Variants in GRHL2 observed in about 807,000 individuals in gnomAD.
GRHL2 encodes the protein grainyhead like transcription factor 2, also known as grainyhead-like protein 2 homolog.
GRHL2 carries 21 observed loss-of-function variants against 83.8 expected under a neutral mutation model. The ratio of observed to expected loss-of-function variants is 0.25; its 90% CI spans 0.18 to 0.36. The LOEUF (loss-of-function observed/expected upper bound fraction) is 0.36, where lower values mean the gene tolerates loss of function less well. Among genes scored for constraint, GRHL2 ranks in the 10% least tolerant of loss-of-function variants. The pLI is 1.00. For synonymous variants in GRHL2, 280 were observed against 278.9 expected (o/e 1.00, Z -0.04); for missense variants, 623 against 781.8 (o/e 0.80, Z 2.42).
rs532408966 is a variant in GRHL2, at chr8:101,544,630, G to A, written c.216+1194G>A. On this transcript the variant is annotated intron_variant, in intron 2 of 15. Transcript: ENST00000646743. ...TGATGCTGGGAATTGGCACAAATGTGAGGATGGCTGTGTTTATTTTGCTGG... is the reference window on the plus strand; with the variant it reads ...TGATGCTGGGAATTGGCACAAATGTAAGGATGGCTGTGTTTATTTTGCTGG... Among the ~76,000 whole-genome samples the A allele has an allele frequency of 2.4e-4, 36 of 152,284 alleles. No individual in the cohort carries two copies. The South Asian group carries it at 7.3e-3, about 31-fold the overall frequency.
At position 101,548,865 on chromosome 8, in the gene GRHL2, G is replaced by A. The variant is rs1006058704; in HGVS notation, c.217-3850G>A. Among the ~76,000 whole-genome samples, 5 of 152,206 alleles carry A rather than the reference G, an allele frequency of 3.3e-5. No individual in the cohort carries two copies. The South Asian group carries it at 1.0e-3, about 32-fold the overall frequency. On this transcript the variant is annotated intron_variant, in intron 2 of 15. Transcript: ENST00000646743. ...ACATCAGGGGCTCTTGGCAACAACA[G>A]CATTCACTTCCATGAATCTTTGGGA...
the GRHL2 span, among the ~76,000 whole-genome samples, chr8:101,678,411 G>C: frequency 1.3e-5 from 2 of 152,062 alleles, no homozygotes; most frequent in East Asian, 3.9e-4. Flanking sequence ...ATTATATCCC[G>C]CACCTGGCTC....
chr8:101,580,163 CT>C (rs1032326700), intron 7 of GRHL2, among the ~76,000 whole-genome samples: 3 of 151,660 alleles, frequency 2.0e-5, no homozygotes, highest in Non-Finnish European at 2.9e-5. Context: ...AGCAAGGGTT[CT>C]TTTTTTTAAA....
At chr8:101,500,134 CA>C (rs111727734) in intron 1 of GRHL2, among the ~76,000 whole-genome samples, 7 of 151,866 alleles carry the variant, frequency 4.6e-5, no homozygotes, top group African/African-American at 1.7e-4. Context: ...AAAACAACAA[CA>C]AAAAAAACTA....
chr8:101,599,189 T>C, intron 8 of GRHL2, 38 bp downstream of exon 8: 1 of 1,277,812 alleles, frequency 7.8e-7, no homozygotes, highest in Non-Finnish European at 1.1e-6. Flanking sequence ...CCTCTTAATA[T>C]GTGCCCATCC....
chr8:101,573,578 G>A lies in GRHL2; in HGVS notation c.735-90G>A, dbSNP rs548564. Reference sequence around the variant, plus strand: ...TCTAAAACAGTAAACATTGGTTAATGTTCATGTGAAATGCTATGATGTGAA... The same window carrying A: ...TCTAAAACAGTAAACATTGGTTAATATTCATGTGAAATGCTATGATGTGAA... On this transcript the variant is annotated intron_variant, in intron 5 of 15. Coordinates refer to ENST00000646743, the MANE Select transcript of GRHL2 (RefSeq NM_024915.4). 1,023,501 of 1,482,504 alleles carry A rather than the reference G, an allele frequency of 0.69. 360,912 individuals carry two copies. Among genetic ancestry groups the A allele is most frequent in the Non-Finnish European group, 0.73 (781,381 of 1,063,586 alleles). 91.8% of individuals were successfully genotyped at this position (1,482,504 alleles called of 1,614,324 possible).
chr8:101,580,940 T>C (rs1812040152), intron 7 of GRHL2, among the ~76,000 whole-genome samples: 1 of 152,136 alleles, frequency 6.6e-6, no homozygotes, highest in Non-Finnish European at 1.5e-5. Context: ...CCTGACCTCG[T>C]GATCTGCCCG....
chr8:101,531,106 GGAGGCT>G (rs1232774265), intron 1 of GRHL2, among the ~76,000 whole-genome samples: 1 of 151,930 alleles, frequency 6.6e-6, no homozygotes, highest in African/African-American at 2.4e-5. Context: ...GGACCACTCT[GGAGGCT>G]GAGGTGGGAG....
chr8:101,580,009 G>A (rs1159860679), intron 7 of GRHL2, among the ~76,000 whole-genome samples: 2 of 152,008 alleles, frequency 1.3e-5, no homozygotes, highest in African/African-American at 4.8e-5. Flanking sequence ...TGAAACCCCC[G>A]TGAAACTGGA....
intron 2 of GRHL2, among the ~76,000 whole-genome samples, chr8:101,546,389 T>A (rs1233663664): frequency 6.6e-6 from 1 of 151,496 alleles, no homozygotes; most frequent in Non-Finnish European, 1.5e-5. Context: ...GAGAAGCATA[T>A]CCTGAAACAA....
At chr8:101,641,803 C>T (rs1254264007) in intron 12 of GRHL2, among the ~76,000 whole-genome samples, 2 of 152,124 alleles carry the variant, frequency 1.3e-5, no homozygotes, top group African/African-American at 4.8e-5. Flanking sequence ...GGACCGCCCA[C>T]GGATACCAAA....
chr8:101,653,540 A>G (rs1389147343), intron 14 of GRHL2, among the ~76,000 whole-genome samples: 6 of 152,186 alleles, frequency 3.9e-5, no homozygotes, highest in Non-Finnish European at 5.9e-5. Context: ...ACTTGAGGTC[A>G]GGAGCTCAAG....
intron 7 of GRHL2, among the ~76,000 whole-genome samples, chr8:101,594,141 G>T (rs1188451218): frequency 6.7e-6 from 1 of 149,778 alleles, no homozygotes; most frequent in Non-Finnish European, 1.5e-5. Context: ...GACACAAAAG[G>T]GAAGGCCATG....
rs779585833 is a variant in GRHL2 at position 101,666,732 on chromosome 8, A to G, written c.*29A>G. Reference sequence around the variant, plus strand: ...TGGGTTTGGCATCCGCTTTGGCTGGAGCTCTCAGTGCGTTCCTCCCTGAGA... The same window carrying G: ...TGGGTTTGGCATCCGCTTTGGCTGGGGCTCTCAGTGCGTTCCTCCCTGAGA... On this transcript the variant is annotated 3_prime_UTR_variant, in exon 16 of 16. Transcript: ENST00000646743. 5 of 1,355,058 alleles carry G rather than the reference A, an allele frequency of 3.7e-6. No homozygotes were observed. In the Admixed American group the frequency reaches 6.7e-5, roughly 18 times the overall value. 83.9% of individuals were successfully genotyped at this position (1,355,058 alleles called of 1,614,324 possible).
chr8:101,507,769 C>A (rs143505352), intron 1 of GRHL2, among the ~76,000 whole-genome samples: 3 of 122,968 alleles, frequency 2.4e-5, no homozygotes, highest in African/African-American at 8.9e-5. Context: ...AATGATTATC[C>A]CTTTTTTTTT....
chr8:101,553,405 G>A (rs1423517029), intron 3 of GRHL2, among the ~76,000 whole-genome samples: 1 of 152,212 alleles, frequency 6.6e-6, no homozygotes, highest in Non-Finnish European at 1.5e-5. Flanking sequence ...AAGCCAATTG[G>A]AGAATGTGAC....
intron 4 of GRHL2, chr8:101,561,902 C>A: frequency 2.1e-6 from 1 of 465,824 alleles, no homozygotes. Context: ...AATCACTTTT[C>A]ATTTAAGTGA....
intron 12 of GRHL2, among the ~76,000 whole-genome samples, chr8:101,639,085 C>A (rs1813346202): frequency 1.3e-5 from 2 of 152,204 alleles, no homozygotes; most frequent in South Asian, 4.1e-4. Context: ...CCTTGATGTG[C>A]AGGCCTCAGT....
intron 6 of GRHL2, among the ~76,000 whole-genome samples, chr8:101,574,140 G>A (rs1811885354): frequency 1.3e-5 from 2 of 152,160 alleles, no homozygotes; most frequent in Admixed American, 6.5e-5. Flanking sequence ...AATTTTTCAA[G>A]TAAGTAGCTG....
Sources: gnomAD v4.1 joint callset for allele counts (sites outside exome capture counted in the v4.1 genomes callset) on GRCh38, gnomAD v4.1.1 for gene constraint, MANE v1.5 for transcripts, NCBI Gene and HGNC (gene_info 2026-07-23, HGNC 2026-07-21) for gene names.